Variants in MTHFD2L observed in about 807,000 individuals in gnomAD.
The protein encoded by MTHFD2L is methylenetetrahydrofolate dehydrogenase (NADP+ dependent) 2 like.
Under a neutral mutation model 34.9 loss-of-function variants are expected in MTHFD2L, and 29 were observed. The observed-to-expected ratio is 0.83, with a 90% CI of 0.62 to 1.13. The LOEUF is 1.13. MTHFD2L is among the 50% of genes most tolerant of loss of function. The pLI is 0.00. For missense variants in MTHFD2L, 481 were observed against 446.5 expected (o/e 1.08, Z -0.70); for synonymous variants, 167 against 155.7 (o/e 1.07, Z -0.54).
chr4:74,238,461 A>G (rs1010092678), intron 6 of MTHFD2L, among the ~76,000 whole-genome samples: 2 of 152,222 alleles, frequency 1.3e-5, no homozygotes, highest in South Asian at 2.1e-4. Context: ...CTAAAACATC[A>G]AAAGCAATGG....
intron 7 of MTHFD2L, among the ~76,000 whole-genome samples, chr4:74,301,007 G>A (rs536411649): frequency 6.6e-6 from 1 of 152,184 alleles, no homozygotes; most frequent in African/African-American, 2.4e-5. Context: ...ATCTTGAGAA[G>A]TATCGTATCA....
At chr4:74,146,139 G>A (rs1289290981) in intron 1 of MTHFD2L, among the ~76,000 whole-genome samples, 3 of 152,072 alleles carry the variant, frequency 2.0e-5, no homozygotes, top group East Asian at 3.9e-4. Flanking sequence ...TTTAAATTAC[G>A]ATTTCTGCAA....
At chr4:74,290,329 C>G (rs1219911399) in intron 7 of MTHFD2L, among the ~76,000 whole-genome samples, 1 of 152,120 alleles carries the variant, frequency 6.6e-6, no homozygotes, top group East Asian at 1.9e-4. Context: ...TCTATGTTTT[C>G]TTTTAATGCT....
At chr4:74,128,929 C>G (rs1295625524) in intron 1 of MTHFD2L, among the ~76,000 whole-genome samples, 1 of 152,064 alleles carries the variant, frequency 6.6e-6, no homozygotes, top group Non-Finnish European at 1.5e-5. Flanking sequence ...GGACTTACTA[C>G]TGACAATTTG....
At chr4:74,179,278 A>G (rs960899785) in intron 3 of MTHFD2L, among the ~76,000 whole-genome samples, 5 of 152,090 alleles carry the variant, frequency 3.3e-5, no homozygotes, top group Admixed American at 1.3e-4. Context: ...ACATTCACAT[A>G]CAAGTTCCTA....
chr4:74,235,258 A>C (rs932984951), intron 6 of MTHFD2L, among the ~76,000 whole-genome samples: 24 of 152,172 alleles, frequency 1.6e-4, no homozygotes, highest in Admixed American at 7.9e-4. Context: ...AACTGGAAGT[A>C]GCATTGATGT....
upstream of MTHFD2L, among the ~76,000 whole-genome samples, chr4:74,120,453 T>C (rs1032728838): frequency 1.1e-4 from 16 of 152,220 alleles, no homozygotes; most frequent in African/African-American, 3.4e-4. Context: ...CTTTGAATGA[T>C]TGCATATCAG....
chr4:74,225,790 A>G (rs1404312351), intron 6 of MTHFD2L, among the ~76,000 whole-genome samples: 2 of 152,298 alleles, frequency 1.3e-5, no homozygotes, highest in East Asian at 3.9e-4. Context: ...AGGGGAAAAG[A>G]TAGTCACTAT....
chr4:74,207,679 G>C (rs192788959), intron 5 of MTHFD2L, among the ~76,000 whole-genome samples: 7 of 151,874 alleles, frequency 4.6e-5, no homozygotes, highest in Admixed American at 4.6e-4. Flanking sequence ...TCTTCAAGAG[G>C]CACCCTATCT....
intron 7 of MTHFD2L, among the ~76,000 whole-genome samples, chr4:74,297,410 A>G (rs970653837): frequency 6.6e-6 from 1 of 152,180 alleles, no homozygotes; most frequent in Admixed American, 6.6e-5. Flanking sequence ...AAGGGCTGAT[A>G]TCAATCAAGA....
intron 1 of MTHFD2L, among the ~76,000 whole-genome samples, chr4:74,152,683 C>G (rs1211536481): frequency 6.6e-6 from 1 of 152,088 alleles, no homozygotes; most frequent in Non-Finnish European, 1.5e-5. Context: ...CTTGTCTCCA[C>G]CCCCTGACAG....
chr4:74,172,842 A>G (rs1728290949), intron 1 of MTHFD2L, among the ~76,000 whole-genome samples: 1 of 152,194 alleles, frequency 6.6e-6, no homozygotes, highest in South Asian at 2.1e-4. Flanking sequence ...CCATGCTATA[A>G]TGGTGTATTT....
At chr4:74,157,643 T>G (rs766751706), upstream of MTHFD2L, 2 of 456,878 alleles carry the variant, frequency 4.4e-6, no homozygotes, top group South Asian at 3.1e-5. Flanking sequence ...CACACACCTT[T>G]GTTCTTTTCT....
intron 3 of MTHFD2L, among the ~76,000 whole-genome samples, chr4:74,189,249 GA>G (rs1560466542): frequency 6.6e-6 from 1 of 151,930 alleles, no homozygotes; most frequent in African/African-American, 2.4e-5. Flanking sequence ...TTCATTCAAA[GA>G]AAAAATACCC....
chr4:74,154,820 G>A (rs899760122), upstream of MTHFD2L, among the ~76,000 whole-genome samples: 1 of 152,116 alleles, frequency 6.6e-6, no homozygotes, highest in African/African-American at 2.4e-5. Flanking sequence ...GGCATTCTCA[G>A]CTGGCAAAGC....
At chr4:74,145,816 A>C (rs929404588) in intron 1 of MTHFD2L, among the ~76,000 whole-genome samples, 1 of 152,056 alleles carries the variant, frequency 6.6e-6, no homozygotes, top group Non-Finnish European at 1.5e-5. Flanking sequence ...GGTTGTTTGA[A>C]AGTTTGCAGC....
intron 3 of MTHFD2L, among the ~76,000 whole-genome samples, chr4:74,178,033 AT>A (rs1415871644): frequency 4.0e-5 from 5 of 126,058 alleles, no homozygotes; most frequent in Non-Finnish European, 9.1e-5. Context: ...TACCTGTAGA[AT>A]TTTTAAAAGT....
At chr4:74,197,679 G>A (rs1254365626) in intron 3 of MTHFD2L, among the ~76,000 whole-genome samples, 1 of 152,136 alleles carries the variant, frequency 6.6e-6, no homozygotes, top group Non-Finnish European at 1.5e-5. Context: ...GTAGTGATTT[G>A]AGATTGACTC....
At chr4:74,236,621 C>G (rs2110155788) in intron 6 of MTHFD2L, among the ~76,000 whole-genome samples, 1 of 152,360 alleles carries the variant, frequency 6.6e-6, no homozygotes, top group East Asian at 1.9e-4. Context: ...CTTTCTGTCT[C>G]TAGCTCAGTC....
Sources: allele counts gnomAD v4.1 joint callset (sites outside exome capture counted in the v4.1 genomes callset), GRCh38; gene constraint gnomAD v4.1.1; transcripts MANE v1.5; gene names NCBI Gene and HGNC (gene_info 2026-07-23, HGNC 2026-07-21).